The following DCHS2 variants were observed in gnomAD, a reference collection of about 807,000 sequenced individuals.
DCHS2 encodes protocadherin-23.
DCHS2 carries 142 observed loss-of-function variants against 182.4 expected under a neutral mutation model. The observed-to-expected ratio is 0.78, with a 90% CI of 0.68 to 0.89. The LOEUF (loss-of-function observed/expected upper bound fraction) is 0.89, where lower values mean the gene tolerates loss of function less well. Among genes scored for constraint, DCHS2 ranks in the 40% least tolerant of loss-of-function variants. The pLI, the probability that DCHS2 is intolerant of heterozygous loss-of-function variation, is 0.00. For missense variants in DCHS2, 4,319 were observed against 4,198.6 expected, an observed-to-expected ratio of 1.03 and a Z score of -0.79; for synonymous variants, 1,740 against 1,663.3, an observed-to-expected ratio of 1.05 and a Z score of -1.12.
intron 2 of DCHS2, 75 bp from the exon 3 acceptor site, chr4:154,366,516 C>A: frequency 1.0e-6 from 1 of 959,606 alleles, no homozygotes. Flanking sequence ...GACAATGGCC[C>A]TACAATAGTC....
At chr4:154,442,529 A>ACC (rs769550225) in intron 1 of DCHS2, among the ~76,000 whole-genome samples, 4 of 41,004 alleles carry the variant, frequency 9.8e-5, no homozygotes, top group African/African-American at 2.3e-4. Flanking sequence ...AAAAGTGGAC[A>ACC]CCCCCCCCCC....
chr4:154,277,227 G>C (rs1330119943), intron 13 of DCHS2, among the ~76,000 whole-genome samples: 3 of 152,140 alleles, frequency 2.0e-5, no homozygotes, highest in Non-Finnish European at 2.9e-5. Context: ...GAGAAGGGTA[G>C]AATATACATC....
intron 3 of DCHS2, among the ~76,000 whole-genome samples, chr4:154,338,843 C>T (rs1331706342): frequency 6.6e-6 from 1 of 152,098 alleles, no homozygotes; most frequent in Non-Finnish European, 1.5e-5. Context: ...TCTATGTTAT[C>T]AATCCATTGT....
chr4:154,463,848 T>C (rs916305805), intron 1 of DCHS2, among the ~76,000 whole-genome samples: 3 of 152,162 alleles, frequency 2.0e-5, no homozygotes, highest in African/African-American at 4.8e-5. Flanking sequence ...TCCATGTGAT[T>C]TGGATTTTAT....
Position 154,234,462 on chromosome 4 carries a change from A to G in DCHS2, c.*74T>C, listed in dbSNP as rs1207488669. 6.9e-7 allele frequency: 1 copy of G among 1,440,512 alleles called. No homozygotes were observed. The highest frequency in any genetic ancestry group is 9.1e-7 in the Non-Finnish European group (1 of 1,093,856). 89.2% of individuals were successfully genotyped at this position (1,440,512 alleles called of 1,614,324 possible). A position where few individuals can be genotyped will look rare whatever the true frequency, so the allele number is the denominator to read the frequency against. ...TTAGATAAAAATGAGCCCAATCTCG[A>G]GTTGCTGGCTTGAAAACATTTTGTT... is the stretch of plus-strand genomic sequence containing the variant. On this transcript the variant is annotated 3_prime_UTR_variant, in exon 20 of 20. Transcript: ENST00000357232.
chr4:154,242,741 G>A lies in DCHS2; in HGVS notation c.6973C>T (p.Pro2325Ser). ...LIVQATDKGM[P>S]RLSNTTVIKV... ...ATTACAGTCGTATTAGAAAGCCTGGGCATCCCTTTATCTGTGGCTTGGACA... is the reference window on the plus strand; with the variant it reads ...ATTACAGTCGTATTAGAAAGCCTGGACATCCCTTTATCTGTGGCTTGGACA... The change falls in exon 17 of 20, where the codon CCC (proline) becomes TCC (serine). Residue 2325 changes from proline (P) to serine (S), a missense_variant. Pro to Ser is a moderately conservative substitution (Grantham distance 74). Transcript: ENST00000357232. 6.2e-7 allele frequency: 1 copy of A among 1,612,212 alleles called. No individual in the cohort carries two copies. Among genetic ancestry groups the A allele is most frequent in the South Asian group, 1.1e-5 (1 of 90,892 alleles).
chr4:154,262,882 TCAA>T (rs1733055252), intron 14 of DCHS2, among the ~76,000 whole-genome samples: 1 of 152,186 alleles, frequency 6.6e-6, no homozygotes, highest in Admixed American at 6.5e-5. Flanking sequence ...AAAACCTTAG[TCAA>T]GCTCTAAAAT....
chr4:154,241,441 A>C (rs538260498), intron 17 of DCHS2, among the ~76,000 whole-genome samples: 1 of 152,242 alleles, frequency 6.6e-6, no homozygotes, highest in East Asian at 1.9e-4. Context: ...ATTATTCACC[A>C]AAAAATTACA....
chr4:154,459,982 G>A (rs932545419), intron 1 of DCHS2, among the ~76,000 whole-genome samples: 1 of 152,140 alleles, frequency 6.6e-6, no homozygotes, highest in Non-Finnish European at 1.5e-5. Context: ...GCTGATTGGA[G>A]CTTTTCTCTG....
chr4:154,322,179 T>C (rs1736085853), intron 8 of DCHS2, 152 bp downstream of exon 8: 2 of 1,130,100 alleles, frequency 1.8e-6, no homozygotes, highest in East Asian at 2.6e-5. Context: ...AAGCTAAGTA[T>C]GCTATGTGCA....
At chr4:154,365,997 C>A (rs1007934391) in intron 3 of DCHS2, among the ~76,000 whole-genome samples, 4 of 152,012 alleles carry the variant, frequency 2.6e-5, no homozygotes, top group African/African-American at 9.7e-5. Context: ...ACCACAAGAT[C>A]AGTAGTAGGC....
intron 1 of DCHS2, among the ~76,000 whole-genome samples, chr4:154,401,466 T>G (rs1265876609): frequency 2.0e-5 from 3 of 152,336 alleles, no homozygotes. Flanking sequence ...ATTTTACCAG[T>G]AACATATGAG....
intron 1 of DCHS2, among the ~76,000 whole-genome samples, chr4:154,465,660 C>T (rs1173284308): frequency 6.6e-6 from 1 of 151,330 alleles, no homozygotes; most frequent in Non-Finnish European, 1.5e-5. Context: ...CAGAGCAAGA[C>T]CCCATCTCAA....
In DCHS2 at chr4:154,298,531, T is replaced by G. The variant is rs1234188462; in HGVS notation, c.5783A>C (p.Asp1928Ala). The change falls in exon 13 of 20, where the codon GAC (aspartate) becomes GCC (alanine). Residue 1928 changes from aspartate to alanine, a missense_variant. Physicochemically the swap from Asp to Ala is moderately radical, Grantham distance 126. Transcript: ENST00000357232. ...HLQVRVLDAN[D>A]HSPSFPTLYY... The stretch of plus-strand genomic sequence containing the variant: ...AAGTGTGGGAAAAGAAGGACTGTGG[T>G]CATTGGCATCCAAAACTCTAACTTG... 6.2e-7 allele frequency: 1 copy of G among 1,614,174 alleles called. No homozygotes were observed. The highest frequency in any genetic ancestry group is 8.5e-7 in the Non-Finnish European group (1 of 1,180,008).
At chr4:154,345,732 A>G (rs932533876) in intron 3 of DCHS2, among the ~76,000 whole-genome samples, 2 of 152,210 alleles carry the variant, frequency 1.3e-5, no homozygotes, top group Non-Finnish European at 2.9e-5. Flanking sequence ...ACCACTACCA[A>G]ACAGGGTCTG....
chr4:154,411,755 T>C (rs1345157377), intron 1 of DCHS2, among the ~76,000 whole-genome samples: 1 of 152,206 alleles, frequency 6.6e-6, no homozygotes, highest in Non-Finnish European at 1.5e-5. Flanking sequence ...CTATGTGAGA[T>C]GATGAATGTT....
intron 1 of DCHS2, among the ~76,000 whole-genome samples, chr4:154,448,465 C>A (rs893977427): frequency 2.0e-5 from 3 of 152,134 alleles, no homozygotes; most frequent in Non-Finnish European, 4.4e-5. Flanking sequence ...ACCCGCTTAT[C>A]CTTGTAAGGA....
At chr4:154,313,207 C>A (rs1224143641) in intron 10 of DCHS2, among the ~76,000 whole-genome samples, 2 of 152,144 alleles carry the variant, frequency 1.3e-5, no homozygotes, top group African/African-American at 4.8e-5. Context: ...GGGGGAAGGG[C>A]ACTGCAGGGG....
At chr4:154,477,232 GGAAA>G (rs1735723628) in intron 1 of DCHS2, among the ~76,000 whole-genome samples, 1 of 152,058 alleles carries the variant, frequency 6.6e-6, no homozygotes, top group Non-Finnish European at 1.5e-5. Context: ...CTCACGTGGC[GGAAA>G]GAGATTCAAC....
Sources: allele counts gnomAD v4.1 joint callset (sites outside exome capture counted in the v4.1 genomes callset), GRCh38; gene constraint gnomAD v4.1.1; transcripts MANE v1.5; gene names NCBI Gene and HGNC (gene_info 2026-07-23, HGNC 2026-07-21).